Variants in PLA2G4A observed in about 807,000 individuals in gnomAD.
PLA2G4A encodes the protein cytosolic phospholipase A2.
PLA2G4A carries 40 observed loss-of-function variants against 81.9 expected under a neutral mutation model. The ratio of observed to expected loss-of-function variants is 0.49; its 90% CI spans 0.38 to 0.64. The LOEUF is 0.64. PLA2G4A is among the 30% of genes least tolerant of loss of function. The pLI, the probability that PLA2G4A is intolerant of heterozygous loss-of-function variation, is 0.00. For missense variants in PLA2G4A, 715 were observed against 905.1 expected (o/e 0.79, Z 2.69); for synonymous variants, 302 against 296.9 (o/e 1.02, Z -0.18).
At chr1:186,881,362 A>G (rs1653726198) in intron 3 of PLA2G4A, among the ~76,000 whole-genome samples, 1 of 152,094 alleles carries the variant, frequency 6.6e-6, no homozygotes, top group Non-Finnish European at 1.5e-5. Context: ...TTCCTAGGCA[A>G]TGCTCAAGTT....
rs543762204 is a variant in PLA2G4A at position 186,988,816 on chromosome 1, A to AT, written c.*316dup. On this transcript the variant is annotated 3_prime_UTR_variant, in exon 18 of 18. Coordinates refer to ENST00000367466, the MANE Select transcript of PLA2G4A (RefSeq NM_024420.3). ...TTTCTTATGTGTGTTCTTTTTAAAA[A>AT]TTTTTTTTCTTTTAAAATATTTAAC... 1 of 228,706 alleles carries AT rather than the reference A, an allele frequency of 4.4e-6. No homozygotes were observed. The highest frequency in any genetic ancestry group is 1.7e-3 in the Middle Eastern group (1 of 582). 14.2% of individuals were successfully genotyped at this position (228,706 alleles called of 1,614,324 possible).
At chr1:186,909,360 G>C (rs1310273879) in intron 6 of PLA2G4A, among the ~76,000 whole-genome samples, 1 of 90,492 alleles carries the variant, frequency 1.1e-5, no homozygotes, top group Non-Finnish European at 1.9e-5. Flanking sequence ...CCCAAGATTA[G>C]ACTTAAAAGT....
chr1:186,884,945 C>T (rs2102090454), intron 3 of PLA2G4A, among the ~76,000 whole-genome samples: 1 of 151,848 alleles, frequency 6.6e-6, no homozygotes, highest in Admixed American at 6.6e-5. Flanking sequence ...CCACGTTTTC[C>T]CTCAGTCTAT....
intron 8 of PLA2G4A, among the ~76,000 whole-genome samples, chr1:186,933,274 C>T (rs1289122831): frequency 2.4e-4 from 36 of 152,034 alleles, no homozygotes. Flanking sequence ...ATGTCTAAGT[C>T]TACATGATTC....
At chr1:186,872,836 C>T (rs563489409) in intron 3 of PLA2G4A, among the ~76,000 whole-genome samples, 1 of 152,172 alleles carries the variant, frequency 6.6e-6, no homozygotes, top group South Asian at 2.1e-4. Flanking sequence ...TTTGGTTCCC[C>T]ACAGTGTACA....
At chr1:186,933,354 G>A (rs537043249) in intron 8 of PLA2G4A, among the ~76,000 whole-genome samples, 1 of 151,974 alleles carries the variant, frequency 6.6e-6, no homozygotes, top group Non-Finnish European at 1.5e-5. Flanking sequence ...ACAGAACAAA[G>A]AAAACAATTT....
intron 8 of PLA2G4A, among the ~76,000 whole-genome samples, chr1:186,936,369 T>TCTTCTTCC (rs1655945434): frequency 6.6e-6 from 1 of 152,002 alleles, no homozygotes; most frequent in Admixed American, 6.6e-5. Context: ...GCTAAGTTTG[T>TCTTCTTCC]CTTCTTCCCT....
At position 186,988,879 on chromosome 1, in the gene PLA2G4A, G is replaced by T; in HGVS notation, c.*371G>T. ...ATAAGACCTCGCATTATGTATGAATGTTATTCACTGACTAGATTTATTCAT... is the reference window on the plus strand; with the variant it reads ...ATAAGACCTCGCATTATGTATGAATTTTATTCACTGACTAGATTTATTCAT... On this transcript the variant is annotated 3_prime_UTR_variant, in exon 18 of 18. Transcript: ENST00000367466. 1 of 180,166 alleles carries T rather than the reference G, an allele frequency of 5.6e-6. No individual in the cohort carries two copies. The highest frequency in any genetic ancestry group is 1.2e-5 in the Non-Finnish European group (1 of 83,982). The allele number at this position is 180,166 out of a possible 1,614,324, so 11.2% of individuals were successfully genotyped here. A position where few individuals can be genotyped will look rare whatever the true frequency, so the allele number is the denominator to read the frequency against.
chr1:186,889,085 C>G (rs1654040347), intron 3 of PLA2G4A, among the ~76,000 whole-genome samples: 1 of 152,156 alleles, frequency 6.6e-6, no homozygotes, highest in African/African-American at 2.4e-5. Flanking sequence ...CAGTCACCTC[C>G]TGGTTGAAAA....
At chr1:186,973,242 C>T (rs368747431) in intron 15 of PLA2G4A, among the ~76,000 whole-genome samples, 10 of 152,316 alleles carry the variant, frequency 6.6e-5, no homozygotes, top group South Asian at 4.1e-4. Context: ...CAGTAGACTC[C>T]TTCCTTGCCT....
chr1:186,951,432 TA>T (rs2102243328), intron 13 of PLA2G4A, among the ~76,000 whole-genome samples: 1 of 111,686 alleles, frequency 9.0e-6, no homozygotes, highest in South Asian at 3.6e-4. Flanking sequence ...GACAGCCATT[TA>T]TAAAAATGTT....
intron 13 of PLA2G4A, among the ~76,000 whole-genome samples, chr1:186,951,427 C>G (rs1403326352): frequency 7.4e-6 from 1 of 135,012 alleles, no homozygotes; most frequent in African/African-American, 2.9e-5. Flanking sequence ...TTTGAGACAG[C>G]CATTTATAAA....
At chr1:186,923,130 C>G (rs981588858) in intron 7 of PLA2G4A, among the ~76,000 whole-genome samples, 1 of 152,112 alleles carries the variant, frequency 6.6e-6, no homozygotes, top group Non-Finnish European at 1.5e-5. Flanking sequence ...GGTCTCCTCC[C>G]TTACTGGGAT....
At chr1:186,967,353 CT>C (rs1657168687) in intron 15 of PLA2G4A, among the ~76,000 whole-genome samples, 1 of 152,072 alleles carries the variant, frequency 6.6e-6, no homozygotes, top group Non-Finnish European at 1.5e-5. Flanking sequence ...CACGACCTGG[CT>C]AGGGAAGTGC....
At chr1:186,932,606 TTCTTCTTTTAAAA>T (rs12720584) in intron 7 of PLA2G4A, among the ~76,000 whole-genome samples, 144 bp from the exon 8 acceptor site, 55,645 of 151,980 alleles carry the variant, frequency 0.37, 12,250 homozygotes, top group Non-Finnish European at 0.49. Flanking sequence ...CGGCCTTATT[TTCTTCTTTTAAAA>T]AATTAGGCAT....
chr1:186,977,691 T>G lies in PLA2G4A; in HGVS notation c.1863T>G (p.Tyr621Ter). ...ATCGGGAAGGGCTGAAGGAGTGCTATGTCTTTAAACCCAAGAATCCTGATA... is the reference window on the plus strand; with the variant it reads ...ATCGGGAAGGGCTGAAGGAGTGCTAGGTCTTTAAACCCAAGAATCCTGATA... The part of the protein sequence containing the change: ...VFDREGLKEC[Y>*]VFKPKNPDME... Residue 621 changes from tyrosine to a stop codon, truncating the protein, a stop_gained, in exon 16 of 18, where the codon TAT becomes TAG. Coordinates refer to ENST00000367466, the MANE Select transcript of PLA2G4A (RefSeq NM_024420.3). LOFTEE classifies it high-confidence loss of function. The G allele has an allele frequency of 6.2e-7, 1 of 1,613,220 alleles. No homozygotes were observed. Among genetic ancestry groups the G allele is most frequent in the Non-Finnish European group, 8.5e-7 (1 of 1,179,192 alleles).
chr1:186,975,568 G>A (rs1332195180), intron 15 of PLA2G4A, among the ~76,000 whole-genome samples: 1 of 152,138 alleles, frequency 6.6e-6, no homozygotes, highest in African/African-American at 2.4e-5. Context: ...GAAAGGCGAT[G>A]GTATTAGCTT....
intron 2 of PLA2G4A, among the ~76,000 whole-genome samples, chr1:186,867,820 T>A (rs1310602750): frequency 6.6e-6 from 1 of 152,118 alleles, no homozygotes; most frequent in Non-Finnish European, 1.5e-5. Flanking sequence ...AAATATGACA[T>A]TAATTATAGG....
chr1:186,931,340 G>A (rs1571413060), intron 7 of PLA2G4A, among the ~76,000 whole-genome samples: 1 of 151,970 alleles, frequency 6.6e-6, no homozygotes, highest in East Asian at 1.9e-4. Flanking sequence ...CTTTCGTTAT[G>A]AGGTTTCAAG....
Sources: gnomAD v4.1 joint callset for allele counts (sites outside exome capture counted in the v4.1 genomes callset) on GRCh38, gnomAD v4.1.1 for gene constraint, MANE v1.5 for transcripts, NCBI Gene and HGNC (gene_info 2026-07-23, HGNC 2026-07-21) for gene names.